Variants in SOX5 observed in about 807,000 individuals in gnomAD.
The protein encoded by SOX5 is transcription factor SOX-5.
Under a neutral mutation model 92.0 loss-of-function variants are expected in SOX5, and 9 were observed. That is an observed-to-expected ratio of 0.10 (90% CI 0.06 to 0.17). The LOEUF (loss-of-function observed/expected upper bound fraction) is 0.17. Among genes scored for constraint, SOX5 ranks in the 10% least tolerant of loss-of-function variants. The probability of loss-of-function intolerance (pLI) is 1.00; values close to 1 mark genes in which losing one functional copy is unlikely to be tolerated. For synonymous variants in SOX5, 344 were observed against 336.3 expected (o/e 1.02, Z -0.25); for missense variants, 642 against 944.5 (o/e 0.68, Z 4.20).
intron 4 of SOX5, among the ~76,000 whole-genome samples, chr12:24,209,462 T>C (rs1958359974): frequency 2.0e-5 from 3 of 152,222 alleles, no homozygotes; most frequent in Non-Finnish European, 2.9e-5. Context: ...TAAATATTCA[T>C]AAGCAGGTAT....
intron 5 of SOX5, 101 bp from the exon 6 acceptor site, chr12:23,734,853 G>A (rs1377027270): frequency 2.4e-6 from 2 of 850,624 alleles, no homozygotes; most frequent in African/African-American, 3.4e-5. Flanking sequence ...CACTGATTAA[G>A]ATGATGAAAA....
chr12:24,541,676 G>C (rs2138811333), intron 1 of SOX5, among the ~76,000 whole-genome samples: 1 of 152,282 alleles, frequency 6.6e-6, no homozygotes, highest in African/African-American at 2.4e-5. Flanking sequence ...TCCTTTCAAA[G>C]AAAGTCAATA....
At chr12:23,939,148 G>A (rs1028676918) in intron 1 of SOX5, among the ~76,000 whole-genome samples, 5 of 150,934 alleles carry the variant, frequency 3.3e-5, no homozygotes, top group African/African-American at 1.2e-4. Flanking sequence ...CCCAAACGAT[G>A]CAAGTGACTT....
chr12:24,105,095 T>C (rs1008875929), intron 4 of SOX5, among the ~76,000 whole-genome samples: 50 of 152,186 alleles, frequency 3.3e-4, no homozygotes, highest in African/African-American at 1.1e-3. Flanking sequence ...ATTTATATCA[T>C]TGGTAGCTGA....
intron 4 of SOX5, among the ~76,000 whole-genome samples, chr12:24,120,232 T>C (rs1050681523): frequency 3.3e-5 from 5 of 152,196 alleles, no homozygotes; most frequent in African/African-American, 9.6e-5. Flanking sequence ...TCAACTTTAG[T>C]ATATACTGCT....
chr12:23,949,873 C>T (rs554426904), upstream of SOX5, among the ~76,000 whole-genome samples: 1 of 148,450 alleles, frequency 6.7e-6, no homozygotes, highest in Non-Finnish European at 1.5e-5. Context: ...CTTCCAGCAG[C>T]GGAGTCTGGC....
In SOX5 at chr12:24,492,423, G is replaced by A. The variant is rs570382435; in HGVS notation, c.-251+69906C>T. Among the ~76,000 whole-genome samples, 5 of 152,242 alleles carry A rather than the reference G, an allele frequency of 3.3e-5. No individual in the cohort carries two copies. The South Asian group carries it at 8.3e-4, about 25-fold the overall frequency. On this transcript the variant is annotated intron_variant, in intron 1 of 4. Transcript: ENST00000446891. The stretch of plus-strand genomic sequence containing the variant: ...TAAATTAATGTAAATTGCATACTAT[G>A]ATACTTCTATCTTGGGAAGTTCAGT...
intron 3 of SOX5, among the ~76,000 whole-genome samples, chr12:23,809,684 CT>C (rs1383505825): frequency 6.8e-6 from 1 of 147,838 alleles, no homozygotes; most frequent in Non-Finnish European, 1.5e-5. Flanking sequence ...TAGTTTTTCC[CT>C]TTTTTAATGT....
chr12:24,353,970 CCTACTATGTA>C (rs1326148525), intron 2 of SOX5, among the ~76,000 whole-genome samples: 2 of 152,264 alleles, frequency 1.3e-5, no homozygotes, highest in African/African-American at 4.8e-5. Flanking sequence ...ACTTGAAGAA[CCTACTATGTA>C]CTACTGTTAC....
chr12:24,440,594 TTG>T (rs56082162), intron 1 of SOX5, among the ~76,000 whole-genome samples: 31,276 of 139,248 alleles, frequency 0.22, 3,416 homozygotes, highest in Middle Eastern at 0.31. Context: ...ACATGATCCT[TTG>T]TGTGTGTGTG....
intron 4 of SOX5, among the ~76,000 whole-genome samples, chr12:24,200,232 A>G (rs1055005289): frequency 4.6e-5 from 7 of 152,196 alleles, no homozygotes; most frequent in Non-Finnish European, 1.0e-4. Context: ...ACTGTGTAAA[A>G]TGATGCAAAA....
At chr12:23,634,650 G>T (rs1002816) in intron 8 of SOX5, among the ~76,000 whole-genome samples, 1,741 of 152,268 alleles carry the variant, frequency 0.011, 34 homozygotes, top group African/African-American at 0.039. Context: ...ACCAGGCACA[G>T]AGAGTGTTTT....
intron 4 of SOX5, among the ~76,000 whole-genome samples, chr12:24,162,950 T>G (rs1379123818): frequency 6.6e-6 from 1 of 152,062 alleles, no homozygotes; most frequent in Non-Finnish European, 1.5e-5. Context: ...CATCTGGCCT[T>G]TTTTTGGTTT....
chr12:24,055,034 A>G (rs1957962152), intron 4 of SOX5, among the ~76,000 whole-genome samples: 2 of 149,662 alleles, frequency 1.3e-5, no homozygotes, highest in Admixed American at 1.3e-4. Context: ...CTATTCAAAA[A>G]AGCAACTTAA....
chr12:23,634,403 G>C (rs1248518876), intron 8 of SOX5, among the ~76,000 whole-genome samples: 1 of 152,126 alleles, frequency 6.6e-6, no homozygotes, highest in African/African-American at 2.4e-5. Flanking sequence ...GTTGGTTAAG[G>C]TAGGCCTCAG....
At chr12:23,790,548 T>TCTCACACACA (rs1340837266) in intron 3 of SOX5, among the ~76,000 whole-genome samples, 89 of 137,382 alleles carry the variant, frequency 6.5e-4, no homozygotes, top group African/African-American at 2.3e-3. Context: ...TCTCAATCTC[T>TCTCACACACA]CACACACACA....
chr12:24,424,815 G>GGA (rs1555286330), intron 1 of SOX5, among the ~76,000 whole-genome samples: 2 of 150,452 alleles, frequency 1.3e-5, no homozygotes, highest in African/African-American at 4.9e-5. Context: ...TTTTGGGGGG[G>GGA]GGGGATGGCT....
intron 6 of SOX5, among the ~76,000 whole-genome samples, chr12:23,676,911 T>C (rs10842208): frequency 6.6e-6 from 1 of 152,086 alleles, no homozygotes; most frequent in Admixed American, 6.5e-5. Context: ...AGTAAGGGCA[T>C]AGCTAACTCA....
Position 23,763,487 on chromosome 12 carries a change from A to G in SOX5, c.482-7763T>C, listed in dbSNP as rs144499202. On this transcript the variant is annotated intron_variant, in intron 3 of 14. Transcript: ENST00000451604. The stretch of plus-strand genomic sequence containing the variant: ...TGAAATAACCACCTACTATTAATGT[A>G]TTTGGTTATCTACCATTCCTATGAC... Among the ~76,000 whole-genome samples the G allele has an allele frequency of 4.1e-3, 618 of 152,234 alleles. 4 individuals are homozygous for G. The highest frequency in any genetic ancestry group is 0.014 in the African/African-American group (582 of 41,554).
Sources: allele counts gnomAD v4.1 joint callset (sites outside exome capture counted in the v4.1 genomes callset), GRCh38; gene constraint gnomAD v4.1.1; transcripts MANE v1.5; gene names NCBI Gene and HGNC (gene_info 2026-07-23, HGNC 2026-07-21).